The following NEMP2 variants were observed in gnomAD, a reference collection of about 807,000 sequenced individuals.
NEMP2 encodes the protein nuclear envelope integral membrane protein 2.
Under a neutral mutation model 54.2 loss-of-function variants are expected in NEMP2, and 53 were observed. The observed-to-expected ratio is 0.98, with a 90% CI of 0.78 to 1.23. The LOEUF is 1.23. NEMP2 is among the 50% of genes most tolerant of loss of function. NEMP2 has a pLI of 0.00. For missense variants in NEMP2, 455 were observed against 511.3 expected, an observed-to-expected ratio of 0.89 and a Z score of 1.06; for synonymous variants, 197 against 190.3, an observed-to-expected ratio of 1.04 and a Z score of -0.29.
At chr2:190,585,136 C>T in the NEMP2 span, among the ~76,000 whole-genome samples, 2 of 152,158 alleles carry the variant, frequency 1.3e-5, no homozygotes, top group Non-Finnish European at 2.9e-5. The surrounding 1 kb of genome is among the most constrained non-coding windows in gnomAD (Gnocchi z 5.3). Flanking sequence ...CATTTGGAAA[C>T]GTTCCCTGTG....
At chr2:190,485,008 A>C in the NEMP2 span, among the ~76,000 whole-genome samples, 2 of 152,196 alleles carry the variant, frequency 1.3e-5, no homozygotes, top group African/African-American at 2.4e-5. The surrounding 1 kb of genome is among the most constrained non-coding windows in gnomAD (Gnocchi z 5.1). Context: ...CAGTCTCAAA[A>C]GCAATATAGA....
the NEMP2 span, among the ~76,000 whole-genome samples, chr2:190,562,973 GGT>G: frequency 0.16 from 23,739 of 152,166 alleles, 1,965 homozygotes; most frequent in East Asian, 0.29. This position sits in a 1 kb window ranked among gnomAD's most constrained non-coding sequence, Gnocchi z 5.0. Context: ...GTCAGTGGCA[GGT>G]TCTCCTCCAG....
At chr2:190,569,108 G>C in the NEMP2 span, among the ~76,000 whole-genome samples, 1 of 152,216 alleles carries the variant, frequency 6.6e-6, no homozygotes, top group African/African-American at 2.4e-5. Context: ...ATTAGAACAT[G>C]CAGGTTGTAC....
At chr2:190,534,372 T>C (rs1389595699) in intron 1 of NEMP2, 187 bp downstream of exon 1, 1 of 1,207,472 alleles carries the variant, frequency 8.3e-7, no homozygotes. Context: ...GGCGAGAGAC[T>C]ACGGAAGCCC....
chr2:190,452,784 T>C, the NEMP2 span, among the ~76,000 whole-genome samples: 133,953 of 152,192 alleles, frequency 0.88, 59,760 homozygotes, highest in East Asian at 1. Context: ...ATTCCTTTTA[T>C]CCTGAGTGAA....
the NEMP2 span, among the ~76,000 whole-genome samples, chr2:190,616,652 T>C: frequency 6.6e-6 from 1 of 152,186 alleles, no homozygotes; most frequent in Non-Finnish European, 1.5e-5. This position sits in a 1 kb window ranked among gnomAD's most constrained non-coding sequence, Gnocchi z 5.1. Context: ...AACTATACCT[T>C]TGGATCCCTC....
chr2:190,434,880 G>A, the NEMP2 span, among the ~76,000 whole-genome samples: 3 of 152,194 alleles, frequency 2.0e-5, no homozygotes, highest in African/African-American at 7.2e-5. The surrounding 1 kb of genome is among the most constrained non-coding windows in gnomAD (Gnocchi z 4.3). Context: ...TGCACAGCAA[G>A]AGCGGGCCAG....
the NEMP2 span, among the ~76,000 whole-genome samples, chr2:190,456,353 G>C: frequency 3.3e-5 from 5 of 152,218 alleles, no homozygotes; most frequent in Admixed American, 1.3e-4. The surrounding 1 kb of genome is among the most constrained non-coding windows in gnomAD (Gnocchi z 5.4). Context: ...GAGTGCTAGT[G>C]AATGTTCAGG....
the NEMP2 span, among the ~76,000 whole-genome samples, chr2:190,583,342 A>T: frequency 6.6e-6 from 1 of 152,066 alleles, no homozygotes; most frequent in Non-Finnish European, 1.5e-5. Flanking sequence ...GTATTCAAAC[A>T]TAAATGAAGG....
the NEMP2 span, among the ~76,000 whole-genome samples, chr2:190,560,920 T>G: frequency 6.6e-6 from 1 of 152,226 alleles, no homozygotes; most frequent in Non-Finnish European, 1.5e-5. The surrounding 1 kb of genome is among the most constrained non-coding windows in gnomAD (Gnocchi z 5.4). Context: ...TATTTGTTGG[T>G]ACAATATCAT....
chr2:190,574,356 A>G, the NEMP2 span, among the ~76,000 whole-genome samples: 1 of 144,586 alleles, frequency 6.9e-6, no homozygotes, highest in Non-Finnish European at 1.5e-5. Context: ...TTATGAATGG[A>G]AAAAAAAAAG....
At chr2:190,579,348 C>T in the NEMP2 span, among the ~76,000 whole-genome samples, 1 of 150,916 alleles carries the variant, frequency 6.6e-6, no homozygotes. Context: ...TTGTTCAAAA[C>T]TAGGAGAGGT....
chr2:190,645,078 A>G, the NEMP2 span, among the ~76,000 whole-genome samples: 2 of 152,204 alleles, frequency 1.3e-5, no homozygotes, highest in Non-Finnish European at 2.9e-5. Flanking sequence ...ACAAAAACTA[A>G]GTCAAGAAGG....
the NEMP2 span, among the ~76,000 whole-genome samples, chr2:190,459,743 T>C: frequency 6.6e-6 from 1 of 152,210 alleles, no homozygotes; most frequent in Non-Finnish European, 1.5e-5. The surrounding 1 kb of genome is among the most constrained non-coding windows in gnomAD (Gnocchi z 5.3). Context: ...TCTTAGCTTA[T>C]CAGTCATTTT....
chr2:190,570,259 A>C, the NEMP2 span, among the ~76,000 whole-genome samples: 2 of 152,260 alleles, frequency 1.3e-5, no homozygotes, highest in Non-Finnish European at 2.9e-5. The surrounding 1 kb of genome is among the most constrained non-coding windows in gnomAD (Gnocchi z 5.4). Context: ...GAAAATTTGC[A>C]TATCTTTAAA....
chr2:190,551,588 A>G, the NEMP2 span, among the ~76,000 whole-genome samples: 1 of 152,034 alleles, frequency 6.6e-6, no homozygotes, highest in Admixed American at 6.6e-5. Flanking sequence ...TTCTTAATGT[A>G]TTTTAGCTTC....
Position 190,505,786 on chromosome 2 carries a change from GA to G in NEMP2, c.*3402del, listed in dbSNP as rs1690173160. Reference sequence around the variant, plus strand: ...GAAGATTAGAAAAACAGCAGTCACAGAGAGGAAAAAGTTGGCAGGACCTGCA... The same window carrying G: ...GAAGATTAGAAAAACAGCAGTCACAGGAGGAAAAAGTTGGCAGGACCTGCA... On this transcript the variant is annotated 3_prime_UTR_variant, in exon 9 of 9. Coordinates refer to ENST00000409150, the MANE Select transcript of NEMP2 (RefSeq NM_001142645.2). The surrounding 1 kb of genome is among the most constrained non-coding windows in gnomAD (Gnocchi z 5.8). 3 of 152,360 alleles carry G rather than the reference GA, an allele frequency of 2.0e-5. No individual in the cohort carries two copies. In the South Asian group the frequency reaches 6.2e-4, roughly 32 times the overall value. The allele number at this position is 152,360 out of a possible 1,614,324, so 9.4% of individuals were successfully genotyped here.
rs1249840572 is a variant in NEMP2 at position 190,514,087 on chromosome 2, T to G, written c.953+366A>C. ...ATTCATTTCTGTTTCCTAATTCGTATCTCATAAGCACAGCTGATACCACTA... is the reference window on the plus strand; with the variant it reads ...ATTCATTTCTGTTTCCTAATTCGTAGCTCATAAGCACAGCTGATACCACTA... On this transcript the variant is annotated intron_variant, in intron 7 of 8. Transcript: ENST00000409150. The surrounding 1 kb of genome is among the most constrained non-coding windows in gnomAD (Gnocchi z 5.7). Among the ~76,000 whole-genome samples the G allele has an allele frequency of 6.6e-6, 1 of 152,232 alleles. No homozygotes were observed. The highest frequency in any genetic ancestry group is 2.4e-5 in the African/African-American group (1 of 41,448).
the NEMP2 span, among the ~76,000 whole-genome samples, chr2:190,595,359 C>T: frequency 3.3e-5 from 5 of 152,172 alleles, no homozygotes; most frequent in South Asian, 2.1e-4. The surrounding 1 kb of genome is among the most constrained non-coding windows in gnomAD (Gnocchi z 4.0). Context: ...GACTTCATGA[C>T]TAAAACACTA....
Sources: allele counts gnomAD v4.1 joint callset (sites outside exome capture counted in the v4.1 genomes callset), GRCh38; gene constraint gnomAD v4.1.1; non-coding constraint Gnocchi (gnomAD v3.1); transcripts MANE v1.5; gene names NCBI Gene and HGNC (gene_info 2026-07-23, HGNC 2026-07-21).